Variants in PDLIM5 observed in about 807,000 individuals in gnomAD.
PDLIM5 encodes PDZ and LIM domain protein 5.
PDLIM5 carries 34 observed loss-of-function variants against 64.2 expected under a neutral mutation model. That is an observed-to-expected ratio of 0.53 (90% CI 0.40 to 0.71). The LOEUF (loss-of-function observed/expected upper bound fraction) is 0.71, where lower values mean the gene tolerates loss of function less well. Ranked by LOEUF, PDLIM5 falls within the 30% of genes least tolerant of loss-of-function variation. The pLI is 0.00. For synonymous variants in PDLIM5, 253 were observed against 269.1 expected, an observed-to-expected ratio of 0.94 and a Z score of 0.59; for missense variants, 683 against 733.6, an observed-to-expected ratio of 0.93 and a Z score of 0.80.
In PDLIM5 at chr4:94,667,164, A is replaced by T. The variant is rs1053004515; in HGVS notation, c.*3097A>T. On this transcript the variant is annotated 3_prime_UTR_variant, in exon 13 of 13. Coordinates refer to ENST00000317968, the MANE Select transcript of PDLIM5 (RefSeq NM_006457.5). ...AGATTAAAATCATAATGCATGACTA[A>T]AAACTCCTTGGATTTATTTCCCATT... is the stretch of plus-strand genomic sequence containing the variant. 6 of 152,226 alleles carry T rather than the reference A, an allele frequency of 3.9e-5. No individual in the cohort carries two copies. Among genetic ancestry groups the T allele is most frequent in the African/African-American group, 1.4e-4 (6 of 41,450 alleles). The allele number at this position is 152,226 out of a possible 1,614,324, so 9.4% of individuals were successfully genotyped here. A position where few individuals can be genotyped will look rare whatever the true frequency, so the allele number is the denominator to read the frequency against.
intron 7 of PDLIM5, chr4:94,586,908 A>C: frequency 8.1e-7 from 1 of 1,233,574 alleles, no homozygotes; most frequent in Non-Finnish European, 1.1e-6. Context: ...GCATGATGGA[A>C]TTAGTCTAGA....
At chr4:94,633,862 A>G (rs1330847981) in intron 8 of PDLIM5, among the ~76,000 whole-genome samples, 3 of 152,194 alleles carry the variant, frequency 2.0e-5, no homozygotes, top group Admixed American at 6.5e-5. Context: ...GGAAAGCTAC[A>G]TTGATAATAC....
At chr4:94,559,028 A>G (rs965709377) in intron 3 of PDLIM5, among the ~76,000 whole-genome samples, 4 of 152,170 alleles carry the variant, frequency 2.6e-5, no homozygotes, top group Non-Finnish European at 4.4e-5. Flanking sequence ...ACTAAGGAAA[A>G]TATAGGATAA....
chr4:94,588,086 T>C, intron 7 of PDLIM5: 1 of 927,858 alleles, frequency 1.1e-6, no homozygotes, highest in Non-Finnish European at 1.3e-6. Context: ...AAATGCATTT[T>C]GAAGTTTGGA....
chr4:94,582,223 G>T (rs1420379391), intron 5 of PDLIM5, among the ~76,000 whole-genome samples: 1 of 152,140 alleles, frequency 6.6e-6, no homozygotes, highest in East Asian at 1.9e-4. Context: ...GAGACTGAAA[G>T]ATTTTTCTCT....
At chr4:94,547,236 T>C (rs767610257) in intron 3 of PDLIM5, among the ~76,000 whole-genome samples, 2 of 152,160 alleles carry the variant, frequency 1.3e-5, no homozygotes, top group Non-Finnish European at 2.9e-5. Context: ...TTTACAGTTT[T>C]GGAGGTTACA....
chr4:94,532,411 C>G (rs1401194666), intron 3 of PDLIM5, among the ~76,000 whole-genome samples: 3 of 152,188 alleles, frequency 2.0e-5, no homozygotes, highest in Non-Finnish European at 4.4e-5. Context: ...AGGCAGCCGC[C>G]TAAGCTTCTA....
At chr4:94,578,758 G>A (rs1289444176) in intron 5 of PDLIM5, among the ~76,000 whole-genome samples, 2 of 151,876 alleles carry the variant, frequency 1.3e-5, no homozygotes, top group African/African-American at 2.4e-5. Flanking sequence ...TTATAATGTT[G>A]CAAAATACCT....
chr4:94,588,135 A>G (rs897872562), intron 7 of PDLIM5: 2 of 951,796 alleles, frequency 2.1e-6, no homozygotes, highest in Middle Eastern at 5.4e-4. Context: ...TTAGCTTTGT[A>G]CTTGTTCTGT....
chr4:94,520,724 T>C (rs1729759182), intron 2 of PDLIM5, among the ~76,000 whole-genome samples: 1 of 152,204 alleles, frequency 6.6e-6, no homozygotes, highest in Non-Finnish European at 1.5e-5. Flanking sequence ...AAGCTGATCA[T>C]GCCCTTAAGT....
chr4:94,504,532 G>A (rs1728220767), intron 2 of PDLIM5, among the ~76,000 whole-genome samples: 1 of 152,114 alleles, frequency 6.6e-6, no homozygotes, highest in Non-Finnish European at 1.5e-5. Flanking sequence ...TGATCTGCCC[G>A]TCTTGGCCTC....
rs556650893 is a variant in PDLIM5 at position 94,661,320 on chromosome 4, G to A, written c.1586-1102G>A. ...GAGGCAGGAGGAGGCTTGAGCCAAG[G>A]AGGTGGAGGCTGCGGTGAACTATGA... On this transcript the variant is annotated intron_variant, in intron 11 of 12. Coordinates refer to ENST00000317968, the MANE Select transcript of PDLIM5 (RefSeq NM_006457.5). Among the ~76,000 whole-genome samples, 367 of 152,260 alleles carry A rather than the reference G, an allele frequency of 2.4e-3. 2 individuals are homozygous for A. Among genetic ancestry groups the A allele is most frequent in the Non-Finnish European group, 4.1e-3 (276 of 68,014 alleles).
intron 11 of PDLIM5, 82 bp from the exon 12 acceptor site, chr4:94,662,340 A>G: frequency 1.5e-6 from 1 of 661,642 alleles, no homozygotes. Flanking sequence ...TCTAATCCTG[A>G]TTTTGTTGCT....
chr4:94,654,554 G>C lies in PDLIM5; in HGVS notation c.1378G>C (p.Glu460Gln), dbSNP rs1317961323. The change falls in exon 10 of 13, where the codon GAG becomes CAG. Residue 460 changes from glutamate (E) to glutamine (Q), a missense_variant. By Grantham distance (29) the Glu-to-Gln change is conservative (BLOSUM62 2). Coordinates refer to ENST00000317968, the MANE Select transcript of PDLIM5 (RefSeq NM_006457.5). ...TACAATGGCCTACATTGGATTTGTA[G>C]AGGAGAAAGGAGCCCTGTATTGTGA... Reference protein sequence around the residue: ...KNTMAYIGFVEEKGALYCELC... With the variant: ...KNTMAYIGFVQEKGALYCELC... 1 of 1,611,958 alleles carries C rather than the reference G, an allele frequency of 6.2e-7. No individual in the cohort carries two copies. The highest frequency in any genetic ancestry group is 8.5e-7 in the Non-Finnish European group (1 of 1,178,160).
intron 2 of PDLIM5, chr4:94,489,038 C>G (rs1726607774): frequency 6.6e-6 from 1 of 152,228 alleles, no homozygotes; most frequent in South Asian, 2.1e-4. Context: ...GTTAGGCATT[C>G]CAGAAGATGC....
chr4:94,475,954 G>C (rs1725287262), intron 2 of PDLIM5, among the ~76,000 whole-genome samples: 1 of 152,078 alleles, frequency 6.6e-6, no homozygotes, highest in Non-Finnish European at 1.5e-5. Flanking sequence ...ATAACCCCAA[G>C]GCAGTTTTGT....
chr4:94,631,604 C>T (rs1007270599), intron 8 of PDLIM5, among the ~76,000 whole-genome samples: 2 of 152,182 alleles, frequency 1.3e-5, no homozygotes, highest in African/African-American at 4.8e-5. Context: ...ATTTAAGGAG[C>T]TCTGACTTCA....
At chr4:94,532,160 T>C (rs989012803) in intron 3 of PDLIM5, among the ~76,000 whole-genome samples, 1 of 152,232 alleles carries the variant, frequency 6.6e-6, no homozygotes, top group African/African-American at 2.4e-5. Context: ...ATATGTTTTA[T>C]GTGGCTGACT....
At chr4:94,662,191 T>C (rs1742786140) in intron 11 of PDLIM5, among the ~76,000 whole-genome samples, 1 of 152,038 alleles carries the variant, frequency 6.6e-6, no homozygotes, top group South Asian at 2.1e-4. Context: ...TGGAAAATTA[T>C]AATCAAGAAT....
Sources: allele counts gnomAD v4.1 joint callset (sites outside exome capture counted in the v4.1 genomes callset), GRCh38; gene constraint gnomAD v4.1.1; transcripts MANE v1.5; gene names NCBI Gene and HGNC (gene_info 2026-07-23, HGNC 2026-07-21).